Variants in NSMF observed in about 807,000 individuals in gnomAD.
NSMF encodes NMDA receptor synaptonuclear signaling and neuronal migration factor.
Under a neutral mutation model 71.0 loss-of-function variants are expected in NSMF, and 31 were observed. The ratio of observed to expected loss-of-function variants is 0.44; its 90% CI spans 0.33 to 0.59. The LOEUF is 0.59. Ranked by LOEUF, NSMF falls within the 20% of genes least tolerant of loss-of-function variation. The pLI is 0.04. For synonymous variants in NSMF, 345 were observed against 287.1 expected (o/e 1.20, Z -2.04); for missense variants, 673 against 740.5 (o/e 0.91, Z 1.06).
intron 11 of NSMF, 43 bp downstream of exon 11, chr9:137,452,510 C>T: frequency 6.2e-7 from 1 of 1,612,474 alleles, no homozygotes; most frequent in Non-Finnish European, 8.5e-7. Flanking sequence ...TCTGCCCCTC[C>T]CAGGCCTGGA....
chr9:137,450,121 A>G, intron 13 of NSMF, 55 bp downstream of exon 13: 1 of 1,589,098 alleles, frequency 6.3e-7, no homozygotes, highest in Non-Finnish European at 8.6e-7. Flanking sequence ...GGGACATGCC[A>G]GGGCCTGGAC....
At chr9:137,450,345 G>T in intron 12 of NSMF, 90 bp from the exon 13 acceptor site, 1 of 1,073,248 alleles carries the variant, frequency 9.3e-7, no homozygotes. Context: ...AGGTAGTTTT[G>T]GTCTTCATCC....
chr9:137,455,184 C>T, intron 6 of NSMF, 55 bp downstream of exon 6: 1 of 1,588,172 alleles, frequency 6.3e-7, no homozygotes, highest in Non-Finnish European at 8.6e-7. Context: ...GGGCCCAGGC[C>T]AGGCCAGCAC....
rs576782935 is a variant in NSMF at position 137,448,986 on chromosome 9, G to T, written c.*408C>A. ...TGGGCTGCTGGGCTGCTGGGCCGGGGTGCCTACACTGTAACTAGCAGCATA... is the reference window on the plus strand; with the variant it reads ...TGGGCTGCTGGGCTGCTGGGCCGGGTTGCCTACACTGTAACTAGCAGCATA... On this transcript the variant is annotated 3_prime_UTR_variant, in exon 16 of 16. Transcript: ENST00000371475. This position sits in a 1 kb window ranked among gnomAD's most constrained non-coding sequence, Gnocchi z 5.3. The T allele has an allele frequency of 6.0e-6, 2 of 331,258 alleles. No homozygotes were observed. Among genetic ancestry groups the T allele is most frequent in the Non-Finnish European group, 1.2e-5 (2 of 169,854 alleles). 20.5% of individuals were successfully genotyped at this position (331,258 alleles called of 1,614,324 possible). A position where few individuals can be genotyped will look rare whatever the true frequency, so the allele number is the denominator to read the frequency against.
Position 137,459,097 on chromosome 9 carries a change from GCC to G in NSMF, c.4_5del (p.Gly2ArgfsTer37). 1 of 1,223,584 alleles carries G rather than the reference GCC, an allele frequency of 8.2e-7. No individual in the cohort carries two copies. The highest frequency in any genetic ancestry group is 1.0e-6 in the Non-Finnish European group (1 of 978,512). The allele number at this position is 1,223,584 out of a possible 1,614,324, so 75.8% of individuals were successfully genotyped here. M[G>X]AAASRRRALR... Reference sequence around the variant, plus strand: ...GCGCCCTCCTCCTGGAGGCGGCGGCGCCCATGGTCGAGGCGGCGGCGCATCCC... The same window carrying G: ...GCGCCCTCCTCCTGGAGGCGGCGGCGCATGGTCGAGGCGGCGGCGCATCCC... On this transcript the variant is annotated frameshift_variant, in exon 1 of 16. Coordinates refer to ENST00000371475, the MANE Select transcript of NSMF (RefSeq NM_001130969.3). LOFTEE classifies it high-confidence loss of function.
In NSMF at chr9:137,453,678, G is replaced by A. The variant is rs567247467; in HGVS notation, c.922+53C>T. The A allele has an allele frequency of 7.0e-6, 10 of 1,436,834 alleles. No individual in the cohort carries two copies. In the South Asian group the frequency reaches 9.6e-5, roughly 14 times the overall value. The allele number at this position is 1,436,834 out of a possible 1,614,324, so 89.0% of individuals were successfully genotyped here. On this transcript the variant is annotated intron_variant, in intron 8 of 15. Coordinates refer to ENST00000371475, the MANE Select transcript of NSMF (RefSeq NM_001130969.3). This position sits in a 1 kb window ranked among gnomAD's most constrained non-coding sequence, Gnocchi z 4.5. ...GGCAGGGGACCCCCAGCAGGGGTCT[G>A]GGGTCTAGGGGAGGCTCTGGGGAAG...
At position 137,453,431 on chromosome 9, in the gene NSMF, G is replaced by C; in HGVS notation, c.923-251C>G. ...GCGTGCAGGCATCAGCTCCAGCCAAGTCCGCCGGGCGCCTGGGAGGGAGTG... is the reference window on the plus strand; with the variant it reads ...GCGTGCAGGCATCAGCTCCAGCCAACTCCGCCGGGCGCCTGGGAGGGAGTG... On this transcript the variant is annotated intron_variant, in intron 8 of 15. Transcript: ENST00000371475. This position sits in a 1 kb window ranked among gnomAD's most constrained non-coding sequence, Gnocchi z 4.5. 3 of 612,024 alleles carry C rather than the reference G, an allele frequency of 4.9e-6. No homozygotes were observed. The South Asian group carries it at 5.9e-5, about 12-fold the overall frequency. The allele number at this position is 612,024 out of a possible 1,614,324, so 37.9% of individuals were successfully genotyped here. A position where few individuals can be genotyped will look rare whatever the true frequency, so the allele number is the denominator to read the frequency against.
At chr9:137,457,296 G>A in intron 3 of NSMF, 111 bp downstream of exon 3, 1 of 1,469,808 alleles carries the variant, frequency 6.8e-7, no homozygotes, top group Non-Finnish European at 9.5e-7. Context: ...CTGGCATGCT[G>A]TGACCTGAGC....
chr9:137,453,916 G>A lies in NSMF; in HGVS notation c.833-96C>T, dbSNP rs968192082. 12 of 1,067,880 alleles carry A rather than the reference G, an allele frequency of 1.1e-5. No homozygotes were observed. Among genetic ancestry groups the A allele is most frequent in the East Asian group, 5.2e-5 (2 of 38,578 alleles). 66.2% of individuals were successfully genotyped at this position (1,067,880 alleles called of 1,614,324 possible). A position where few individuals can be genotyped will look rare whatever the true frequency, so the allele number is the denominator to read the frequency against. On this transcript the variant is annotated intron_variant, in intron 7 of 15. Transcript: ENST00000371475. The surrounding 1 kb of genome is among the most constrained non-coding windows in gnomAD (Gnocchi z 4.5). ...GGGACCACAGGGGCCCTGGGCAGAG[G>A]AGGAAGCTAATGTGGGTGGGGTCTA...
Position 137,453,753 on chromosome 9 carries a change from G to A in NSMF, c.900C>T (p.Asp300=), listed in dbSNP as rs746336153. The change falls in exon 8 of 16, where the codon GAC becomes GAT. Residue 300 remains aspartate, a synonymous_variant. Transcript: ENST00000371475. This position sits in a 1 kb window ranked among gnomAD's most constrained non-coding sequence, Gnocchi z 4.5. ...TACTGTCTCGGGAGTCGTGGGAAGT[G>A]TCGGCTTTCATGGGGGTGGGGTCGC... ...SWSDPTPMKA[D]TSHDSRDSSD... is the part of the protein sequence containing the mutation. The A allele has an allele frequency of 2.5e-6, 4 of 1,602,590 alleles. No homozygotes were observed. The highest frequency in any genetic ancestry group is 2.2e-5 in the East Asian group (1 of 44,780).
At position 137,453,924 on chromosome 9, in the gene NSMF, T is replaced by A; in HGVS notation, c.833-104A>T. The A allele has an allele frequency of 1.0e-6, 1 of 961,282 alleles. No individual in the cohort carries two copies. Among genetic ancestry groups the A allele is most frequent in the Non-Finnish European group, 1.6e-6 (1 of 631,628 alleles). 59.5% of individuals were successfully genotyped at this position (961,282 alleles called of 1,614,324 possible). On this transcript the variant is annotated intron_variant, in intron 7 of 15. Transcript: ENST00000371475. This position sits in a 1 kb window ranked among gnomAD's most constrained non-coding sequence, Gnocchi z 4.5. ...AGGGGCCCTGGGCAGAGGAGGAAGC[T>A]AATGTGGGTGGGGTCTAAGGCACAT...
chr9:137,453,244 C>T lies in NSMF; in HGVS notation c.923-64G>A. 6.2e-7 allele frequency: 1 copy of T among 1,604,472 alleles called. No homozygotes were observed. The highest frequency in any genetic ancestry group is 2.2e-5 in the East Asian group (1 of 44,694). ...AGCACCTCCTATCCTGGCCATGGCCCCAAGGCCCACAGGGCCCGAAAGCCC... is the reference window on the plus strand; with the variant it reads ...AGCACCTCCTATCCTGGCCATGGCCTCAAGGCCCACAGGGCCCGAAAGCCC... On this transcript the variant is annotated intron_variant, in intron 8 of 15. Coordinates refer to ENST00000371475, the MANE Select transcript of NSMF (RefSeq NM_001130969.3). The surrounding 1 kb of genome is among the most constrained non-coding windows in gnomAD (Gnocchi z 4.5).
rs575023416 is a variant in NSMF at position 137,453,152 on chromosome 9, C to T, written c.951G>A (p.Thr317=). 2.3e-5 allele frequency: 37 copies of T among 1,612,642 alleles called. No homozygotes were observed. In the South Asian group the frequency reaches 3.5e-4, roughly 15 times the overall value. Reference sequence around the variant, plus strand: ...CCAGGTCCTCGAAGGCCTCGTCCAGCGTGCAGTGGGAGCTCTGCAGGTCAC... The same window carrying T: ...CCAGGTCCTCGAAGGCCTCGTCCAGTGTGCAGTGGGAGCTCTGCAGGTCAC... ...DSSDLQSSHC[T]LDEAFEDLDW... is the part of the protein sequence containing the mutation. The change falls in exon 9 of 16, where the codon ACG becomes ACA. Residue 317 remains threonine, a synonymous_variant. Coordinates refer to ENST00000371475, the MANE Select transcript of NSMF (RefSeq NM_001130969.3). This position sits in a 1 kb window ranked among gnomAD's most constrained non-coding sequence, Gnocchi z 4.5.
chr9:137,454,476 G>T, intron 6 of NSMF, 33 bp from the exon 7 acceptor site: 1 of 1,549,856 alleles, frequency 6.5e-7, no homozygotes, highest in Non-Finnish European at 8.7e-7. Flanking sequence ...GAAGAGGGCC[G>T]TGAGAGGGTG....
chr9:137,456,355 G>A (rs1830834315), intron 4 of NSMF, 56 bp downstream of exon 4: 1 of 1,372,018 alleles, frequency 7.3e-7, no homozygotes, highest in Non-Finnish European at 1.0e-6. Flanking sequence ...GCTGTTTCCT[G>A]AGCAGCAGAA....
chr9:137,455,210 C>A (rs376444538), intron 6 of NSMF, 29 bp downstream of exon 6: 55 of 1,606,904 alleles, frequency 3.4e-5, no homozygotes, highest in Non-Finnish European at 4.5e-5. Flanking sequence ...AGAGATGGAC[C>A]CTGGTGGCGA....
intron 2 of NSMF, among the ~76,000 whole-genome samples, 154 bp from the exon 3 acceptor site, chr9:137,458,055 C>T (rs1409020640): frequency 6.6e-6 from 1 of 152,186 alleles, no homozygotes; most frequent in East Asian, 1.9e-4. Context: ...TTTCTGAGCC[C>T]CTCACTCCTA....
In NSMF at chr9:137,455,647, C is replaced by T. The variant is rs1294588186; in HGVS notation, c.705-13G>A. Reference sequence around the variant, plus strand: ...TACTTACGAGATGCTGAAGCCAGGGCCAGAAGGGATGGCGTGAGAGAGAAG... The same window carrying T: ...TACTTACGAGATGCTGAAGCCAGGGTCAGAAGGGATGGCGTGAGAGAGAAG... On this transcript the variant is annotated splice_polypyrimidine_tract_variant and intron_variant, in intron 4 of 15. Transcript: ENST00000371475. 6.5e-7 allele frequency: 1 copy of T among 1,550,372 alleles called. No individual in the cohort carries two copies. Among genetic ancestry groups the T allele is most frequent in the Non-Finnish European group, 8.7e-7 (1 of 1,146,896 alleles).
At chr9:137,452,264 C>A in intron 12 of NSMF, 101 bp downstream of exon 12, 13 of 956,112 alleles carry the variant, frequency 1.4e-5, no homozygotes, top group African/African-American at 1.8e-5. Flanking sequence ...CCCACCCCAA[C>A]CTCTTCCCCT....
Sources: gnomAD v4.1 joint callset for allele counts (sites outside exome capture counted in the v4.1 genomes callset) on GRCh38, gnomAD v4.1.1 for gene constraint, Gnocchi (gnomAD v3.1) non-coding constraint, MANE v1.5 for transcripts, NCBI Gene and HGNC (gene_info 2026-07-23, HGNC 2026-07-21) for gene names.